RGS18: variants seen among roughly 807,000 people sequenced by gnomAD.
RGS18 encodes regulator of G protein signaling 18, also known as regulator of G-protein signaling 18.
A neutral mutation model predicts 27.6 loss-of-function variants in RGS18; 22 were observed. The observed-to-expected ratio is 0.80, with a 90% CI of 0.57 to 1.14. The LOEUF (loss-of-function observed/expected upper bound fraction) is 1.14. Ranked by LOEUF, RGS18 falls within the 50% of genes most tolerant of loss-of-function variation. RGS18 has a pLI of 0.00. For missense variants in RGS18, 299 were observed against 269.6 expected, an observed-to-expected ratio of 1.11 and a Z score of -0.76; for synonymous variants, 89 against 84.6, an observed-to-expected ratio of 1.05 and a Z score of -0.29.
chr1:192,169,388 C>T (rs1656217987), intron 3 of RGS18: 1 of 152,152 alleles, frequency 6.6e-6, no homozygotes, highest in Admixed American at 6.5e-5. Flanking sequence ...ATAAAACATA[C>T]TTTCTTTCCT....
intron 3 of RGS18, among the ~76,000 whole-genome samples, chr1:192,162,866 AAAAG>A: frequency 6.6e-6 from 1 of 152,310 alleles, no homozygotes; most frequent in Middle Eastern, 3.4e-3. Context: ...CAACAACAAA[AAAAG>A]AGGACTGGGA....
rs1656049489 is a variant in RGS18 at position 192,160,387 on chromosome 1, T to C, written c.231T>C (p.Pro77=). 4 of 1,611,374 alleles carry C rather than the reference T, an allele frequency of 2.5e-6. No homozygotes were observed. The highest frequency in any genetic ancestry group is 1.3e-5 in the African/African-American group (1 of 74,890). The change falls in exon 3 of 5, where the codon CCT becomes CCC. Residue 77 remains proline, a synonymous_variant. Coordinates refer to ENST00000367460, the MANE Select transcript of RGS18 (RefSeq NM_130782.3). ...TTTGTTTCTTGTACAGAGTCTCCCC[T>C]GAAGAGGCAGTGAAATGGGGTGAAT... The part of the protein sequence containing the change: ...GHLAKETRVS[P]EEAVKWGESF...
Position 192,184,328 on chromosome 1 carries a change from T to C in RGS18, c.482T>C (p.Ile161Thr). 1 of 1,610,460 alleles carries C rather than the reference T, an allele frequency of 6.2e-7. No individual in the cohort carries two copies. The highest frequency in any genetic ancestry group is 1.1e-5 in the South Asian group (1 of 90,966). Residue 161 changes from isoleucine (I) to threonine (T), a missense_variant, in exon 5 of 5, where the codon ATT (isoleucine) becomes ACT (threonine). By Grantham distance (89) the Ile-to-Thr change is moderately conservative. Coordinates refer to ENST00000367460, the MANE Select transcript of RGS18 (RefSeq NM_130782.3). ...CTTGATTTTCACACAAAAGAAGTCA[T>C]TACAAACAGCATCACTCAACCTACC... ...VNLDFHTKEVITNSITQPTLH... is the reference protein window; with the variant it reads ...VNLDFHTKEVTTNSITQPTLH...
intron 3 of RGS18, among the ~76,000 whole-genome samples, chr1:192,172,419 C>G (rs1162579245): frequency 1.3e-5 from 2 of 151,922 alleles, no homozygotes; most frequent in African/African-American, 2.4e-5. Flanking sequence ...ATATTTTGAC[C>G]CAGCACAAAA....
At chr1:192,181,202 T>C in intron 3 of RGS18, 90 bp from the exon 4 acceptor site, 1 of 712,318 alleles carries the variant, frequency 1.4e-6, no homozygotes. Flanking sequence ...AGGTTTTCTG[T>C]TAATATTTGC....
intron 3 of RGS18, among the ~76,000 whole-genome samples, chr1:192,178,413 T>C (rs896030056): frequency 3.3e-5 from 5 of 151,490 alleles, no homozygotes; most frequent in African/African-American, 7.3e-5. Flanking sequence ...GTTGAAGTAA[T>C]TTTTCAGGAA....
intron 3 of RGS18, among the ~76,000 whole-genome samples, chr1:192,161,954 A>G (rs1029863200): frequency 1.3e-5 from 2 of 152,200 alleles, no homozygotes; most frequent in Non-Finnish European, 2.9e-5. Context: ...TAAAAATTCT[A>G]TATCTGTAGA....
chr1:192,175,900 A>G (rs146099300), intron 3 of RGS18, among the ~76,000 whole-genome samples: 2 of 151,916 alleles, frequency 1.3e-5, no homozygotes, highest in African/African-American at 4.8e-5. Flanking sequence ...ACTTGCAAAT[A>G]GGCACCAAGG....
intron 3 of RGS18, among the ~76,000 whole-genome samples, chr1:192,176,546 C>T (rs1206145361): frequency 6.6e-6 from 1 of 151,564 alleles, no homozygotes; most frequent in African/African-American, 2.4e-5. Context: ...GGAGGACAAG[C>T]CTGGTTCCCA....
At chr1:192,160,554 G>GA in intron 3 of RGS18, 115 bp downstream of exon 3, 1 of 643,612 alleles carries the variant, frequency 1.6e-6, no homozygotes, top group Non-Finnish European at 2.8e-6. Flanking sequence ...TTAATTTTCA[G>GA]TAATTCAATT....
Position 192,163,112 on chromosome 1 carries a change from T to G in RGS18, c.283+2673T>G, listed in dbSNP as rs575551881. The stretch of plus-strand genomic sequence containing the variant: ...GACTTTCAGCTTCCTCGACTGTAAA[T>G]GAAGATAATGTTTTTAGCTCCAACA... On this transcript the variant is annotated intron_variant, in intron 3 of 4. Coordinates refer to ENST00000367460, the MANE Select transcript of RGS18 (RefSeq NM_130782.3). Among the ~76,000 whole-genome samples the G allele has an allele frequency of 5.3e-5, 8 of 152,318 alleles. No individual in the cohort carries two copies. The East Asian group carries it at 1.5e-3, about 29-fold the overall frequency.
At chr1:192,178,858 CTT>C (rs1467498107) in intron 3 of RGS18, among the ~76,000 whole-genome samples, 2 of 151,482 alleles carry the variant, frequency 1.3e-5, no homozygotes, top group South Asian at 2.1e-4. Context: ...TGTAAAGAAA[CTT>C]TGTTTTTCAG....
At chr1:192,180,883 C>G (rs995207164) in intron 3 of RGS18, among the ~76,000 whole-genome samples, 1 of 151,576 alleles carries the variant, frequency 6.6e-6, no homozygotes, top group African/African-American at 2.4e-5. Flanking sequence ...AGTAAGGGAA[C>G]CTCAAGATCC....
intron 4 of RGS18, among the ~76,000 whole-genome samples, chr1:192,181,948 A>G (rs952862727): frequency 1.3e-5 from 2 of 151,576 alleles, no homozygotes; most frequent in African/African-American, 4.8e-5. Flanking sequence ...ATCATGTAGT[A>G]TTTATTTTTG....
rs867345352 is a variant in RGS18, at chr1:192,177,309, C to T, written c.284-3983C>T. ...TTACCAGCTCTGATTGTCCATATCT[C>T]TTGTAAATATGATAGGTCTGATATT... On this transcript the variant is annotated intron_variant, in intron 3 of 4. Coordinates refer to ENST00000367460, the MANE Select transcript of RGS18 (RefSeq NM_130782.3). Among the ~76,000 whole-genome samples the T allele has an allele frequency of 1.4e-4, 21 of 150,646 alleles. 1 individual carries two copies. In the South Asian group the frequency reaches 2.3e-3, roughly 17 times the overall value.
At chr1:192,166,795 C>T (rs1211209266) in intron 3 of RGS18, among the ~76,000 whole-genome samples, 3 of 152,162 alleles carry the variant, frequency 2.0e-5, no homozygotes, top group African/African-American at 7.2e-5. Flanking sequence ...AGAGTTTGAA[C>T]ATTTTTTGTC....
Position 192,158,713 on chromosome 1 carries a change from C to T in RGS18, c.76C>T (p.His26Tyr). ...AGAAAAAACTTTTTTCAAGTTAATACATGGTTCAGGAAAAGAAGAAACAAG... is the reference window on the plus strand; with the variant it reads ...AGAAAAAACTTTTTTCAAGTTAATATATGGTTCAGGAAAAGAAGAAACAAG... ...SKEKTFFKLIHGSGKEETSKE... is the reference protein window; with the variant it reads ...SKEKTFFKLIYGSGKEETSKE... Residue 26 changes from histidine (H) to tyrosine (Y), a missense_variant, in exon 1 of 5, where the codon CAT becomes TAT. Transcript: ENST00000367460. 1.3e-6 allele frequency: 2 copies of T among 1,575,212 alleles called. No homozygotes were observed. Among genetic ancestry groups the T allele is most frequent in the South Asian group, 1.2e-5 (1 of 80,762 alleles).
intron 3 of RGS18, among the ~76,000 whole-genome samples, chr1:192,178,490 G>A (rs1405029366): frequency 6.6e-6 from 1 of 151,574 alleles, no homozygotes; most frequent in African/African-American, 2.4e-5. Flanking sequence ...AGTCAGAGGT[G>A]TAATAGGAAA....
intron 3 of RGS18, among the ~76,000 whole-genome samples, chr1:192,175,322 C>G (rs1245877285): frequency 9.3e-5 from 1 of 10,746 alleles, no homozygotes; most frequent in Non-Finnish European, 1.5e-3. Context: ...CCTTATATCA[C>G]TAATTTTTTT....
Sources: gnomAD v4.1 joint callset for allele counts (sites outside exome capture counted in the v4.1 genomes callset) on GRCh38, gnomAD v4.1.1 for gene constraint, MANE v1.5 for transcripts, NCBI Gene and HGNC (gene_info 2026-07-23, HGNC 2026-07-21) for gene names.